PDE1C: variants seen among roughly 807,000 people sequenced by gnomAD.
The protein encoded by PDE1C is dual specificity calcium/calmodulin-dependent 3',5'-cyclic nucleotide phosphodiesterase 1C.
In PDE1C, 62 loss-of-function variants were observed where a neutral mutation model predicts 93.1. That is an observed-to-expected ratio of 0.67 (90% CI 0.54 to 0.82). PDE1C has a LOEUF of 0.82. PDE1C is among the 40% of genes least tolerant of loss of function. The probability of loss-of-function intolerance (pLI) is 0.00; values close to 1 mark genes in which losing one functional copy is unlikely to be tolerated. For missense variants in PDE1C, 742 were observed against 884.6 expected (o/e 0.84, Z 2.04); for synonymous variants, 325 against 310.1 (o/e 1.05, Z -0.50).
At chr7:31,932,715 G>A (rs749277393) in intron 2 of PDE1C, among the ~76,000 whole-genome samples, 3 of 152,156 alleles carry the variant, frequency 2.0e-5, no homozygotes, top group Non-Finnish European at 4.4e-5. Flanking sequence ...CCATTACTGG[G>A]TATATGCCCA....
the PDE1C span, among the ~76,000 whole-genome samples, chr7:31,677,858 T>C: frequency 6.6e-6 from 1 of 152,250 alleles, no homozygotes; most frequent in East Asian, 1.9e-4. Context: ...TCTATTTACA[T>C]GTGAGATAAT....
At chr7:31,906,986 C>T (rs1219186837) in intron 2 of PDE1C, among the ~76,000 whole-genome samples, 1 of 151,758 alleles carries the variant, frequency 6.6e-6, no homozygotes, top group Admixed American at 6.6e-5. Context: ...ACATAAATAA[C>T]TATGATGCAA....
chr7:32,086,652 C>G (rs2128742041), intron 3 of PDE1C, among the ~76,000 whole-genome samples: 1 of 152,268 alleles, frequency 6.6e-6, no homozygotes, highest in African/African-American at 2.4e-5. Context: ...GGTACCAAAA[C>G]AGAGATATAG....
In PDE1C at chr7:31,828,285, C is replaced by T; in HGVS notation, c.1285+7G>A. ...GTGCTTCTATCCAAAGAGCTGCAAA[C>T]ACGTACCTACTTGTGACTGAGCAAC... is the stretch of plus-strand genomic sequence containing the variant. On this transcript the variant is annotated splice_region_variant and intron_variant, in intron 12 of 17. Coordinates refer to ENST00000396191, the MANE Select transcript of PDE1C (RefSeq NM_001191057.4). The T allele has an allele frequency of 6.2e-7, 1 of 1,610,344 alleles. No homozygotes were observed. Among genetic ancestry groups the T allele is most frequent in the Non-Finnish European group, 8.5e-7 (1 of 1,177,078 alleles).
intron 2 of PDE1C, among the ~76,000 whole-genome samples, chr7:32,000,608 C>T (rs1248330133): frequency 6.6e-6 from 1 of 152,186 alleles, no homozygotes; most frequent in Non-Finnish European, 1.5e-5. Flanking sequence ...CCAGCTCAAA[C>T]ACAGCCAGAG....
At chr7:32,301,973 T>A (rs1812892049), upstream of PDE1C, among the ~76,000 whole-genome samples, 1 of 152,246 alleles carries the variant, frequency 6.6e-6, no homozygotes, top group Admixed American at 6.5e-5. Flanking sequence ...TAAAACTACA[T>A]GAAACTTGAA....
intron 1 of PDE1C, among the ~76,000 whole-genome samples, chr7:32,225,063 T>A (rs1255590275): frequency 6.6e-6 from 1 of 151,996 alleles, no homozygotes; most frequent in Non-Finnish European, 1.5e-5. Context: ...GACTAAGTAT[T>A]TGTGAGTCGG....
chr7:32,077,848 C>T, intron 3 of PDE1C: 1 of 984,594 alleles, frequency 1.0e-6, no homozygotes, highest in Non-Finnish European at 1.2e-6. Flanking sequence ...GGATTACAGG[C>T]ATACTTTATT....
intron 2 of PDE1C, among the ~76,000 whole-genome samples, chr7:32,037,074 A>C (rs2128649617): frequency 6.6e-6 from 1 of 152,320 alleles, no homozygotes; most frequent in East Asian, 1.9e-4. Context: ...CCAGCCTTAC[A>C]AAAGCTGAGA....
intron 1 of PDE1C, among the ~76,000 whole-genome samples, chr7:32,279,301 G>C (rs1024213460): frequency 2.0e-5 from 3 of 152,196 alleles, no homozygotes; most frequent in Admixed American, 2.0e-4. Context: ...AAAGATAAAA[G>C]GTAAAGAAAA....
chr7:31,666,595 G>A, the PDE1C span, among the ~76,000 whole-genome samples: 1 of 152,116 alleles, frequency 6.6e-6, no homozygotes. Context: ...GAAATCAGTT[G>A]CTTTTTAAAG....
At chr7:31,902,652 T>G (rs1009427175) in intron 2 of PDE1C, among the ~76,000 whole-genome samples, 2 of 151,806 alleles carry the variant, frequency 1.3e-5, no homozygotes. Context: ...GCAGCAAAGA[T>G]GGAAAACAGC....
At chr7:32,295,299 G>A (rs1183478638) in intron 1 of PDE1C, among the ~76,000 whole-genome samples, 3 of 152,194 alleles carry the variant, frequency 2.0e-5, no homozygotes, top group Non-Finnish European at 1.5e-5. Context: ...GTCCACTGTG[G>A]GAGGCAGCAT....
chr7:31,901,089 T>C (rs1265311184), intron 2 of PDE1C, among the ~76,000 whole-genome samples: 2 of 149,648 alleles, frequency 1.3e-5, no homozygotes, highest in Non-Finnish European at 3.0e-5. Context: ...AAGGATTCTA[T>C]TAAGGACTGG....
upstream of PDE1C, among the ~76,000 whole-genome samples, chr7:32,300,911 C>T (rs1812866843): frequency 6.6e-6 from 1 of 151,862 alleles, no homozygotes; most frequent in Non-Finnish European, 1.5e-5. Context: ...AATCATGGCT[C>T]ACTGTGGCAT....
chr7:32,388,437 C>T (rs145375519), intron 1 of PDE1C, among the ~76,000 whole-genome samples: 123 of 152,144 alleles, frequency 8.1e-4, no homozygotes, highest in African/African-American at 2.7e-3. Context: ...AGAGCCAGAA[C>T]GGGGTAGAAG....
the PDE1C span, among the ~76,000 whole-genome samples, chr7:31,708,827 C>T: frequency 6.6e-6 from 1 of 152,146 alleles, no homozygotes; most frequent in Admixed American, 6.6e-5. Context: ...TTTGGAGTCC[C>T]CTTAGTGAAG....
intron 1 of PDE1C, among the ~76,000 whole-genome samples, chr7:32,243,831 G>A (rs1041267093): frequency 2.0e-5 from 3 of 152,224 alleles, no homozygotes; most frequent in Admixed American, 6.5e-5. Flanking sequence ...AGTGCAGTAA[G>A]AGGACAAGAG....
intron 2 of PDE1C, among the ~76,000 whole-genome samples, chr7:31,993,290 G>T (rs78328130): frequency 8.5e-5 from 13 of 152,210 alleles, no homozygotes; most frequent in Non-Finnish European, 1.6e-4. Flanking sequence ...CTGTTTTCTG[G>T]CTAACATTTG....
Sources: gnomAD v4.1 joint callset for allele counts (sites outside exome capture counted in the v4.1 genomes callset) on GRCh38, gnomAD v4.1.1 for gene constraint, MANE v1.5 for transcripts, NCBI Gene and HGNC (gene_info 2026-07-23, HGNC 2026-07-21) for gene names.